Variants in AFAP1L2 observed in about 807,000 individuals in gnomAD.
AFAP1L2 encodes actin filament-associated protein 1-like 2.
AFAP1L2 carries 46 observed loss-of-function variants against 99.3 expected under a neutral mutation model. The ratio of observed to expected loss-of-function variants is 0.46; its 90% CI spans 0.37 to 0.59. The LOEUF (loss-of-function observed/expected upper bound fraction) is 0.59. Ranked by LOEUF, AFAP1L2 falls within the 20% of genes least tolerant of loss-of-function variation. AFAP1L2 has a pLI of 0.00. For synonymous variants in AFAP1L2, 397 were observed against 419.1 expected (o/e 0.95, Z 0.64); for missense variants, 959 against 1,034.9 (o/e 0.93, Z 1.01).
At chr10:114,289,973 CAA>C (rs1420171645), downstream of AFAP1L2, 3 of 255,468 alleles carry the variant, frequency 1.2e-5, no homozygotes, top group Non-Finnish European at 2.2e-5. Flanking sequence ...GCCTGGGCAA[CAA>C]GAGCAAGATT....
At chr10:114,337,063 G>C (rs1275329271) in intron 2 of AFAP1L2, among the ~76,000 whole-genome samples, 1 of 152,252 alleles carries the variant, frequency 6.6e-6, no homozygotes, top group African/African-American at 2.4e-5. Flanking sequence ...GTTTTGGGTA[G>C]AGGTGGGCCT....
chr10:114,337,832 G>A (rs2048211708), intron 2 of AFAP1L2, among the ~76,000 whole-genome samples: 1 of 152,238 alleles, frequency 6.6e-6, no homozygotes, highest in Non-Finnish European at 1.5e-5. Context: ...CGGAAGTGGT[G>A]TGGGGAGTGT....
rs201258751 is a variant in AFAP1L2 at position 114,318,731 on chromosome 10, ACT to A, written c.407-2968_407-2967del. Among the ~76,000 whole-genome samples, 275 of 149,886 alleles carry A rather than the reference ACT, an allele frequency of 1.8e-3. 1 individual carries two copies. The highest frequency in any genetic ancestry group is 6.5e-3 in the African/African-American group (264 of 40,848). The stretch of plus-strand genomic sequence containing the variant: ...CACTCCAGCCTGGCGGCAGGGTGAG[ACT>A]CTGTCTAAAAAAAAGAAAAAAAAAA... On this transcript the variant is annotated intron_variant, in intron 5 of 18. Transcript: ENST00000304129.
intron 1 of AFAP1L2, among the ~76,000 whole-genome samples, chr10:114,350,103 A>T (rs1040683445): frequency 1.3e-5 from 2 of 152,196 alleles, no homozygotes; most frequent in Admixed American, 6.5e-5. Context: ...CAAGAGCAGA[A>T]TTCCAACCCC....
intron 8 of AFAP1L2, 152 bp from the exon 9 acceptor site, chr10:114,308,669 G>A (rs1320326034): frequency 3.0e-6 from 2 of 661,678 alleles, no homozygotes; most frequent in South Asian, 1.9e-5. Flanking sequence ...CAGAATCCAG[G>A]TCACTGGTAG....
intron 1 of AFAP1L2, among the ~76,000 whole-genome samples, chr10:114,388,673 T>A (rs1393527020): frequency 6.6e-6 from 1 of 152,206 alleles, no homozygotes; most frequent in Non-Finnish European, 1.5e-5. Flanking sequence ...AAATGTCCAT[T>A]GTGTGAATAC....
chr10:114,303,351 A>G (rs577492442), intron 11 of AFAP1L2, among the ~76,000 whole-genome samples: 1 of 152,252 alleles, frequency 6.6e-6, no homozygotes, highest in Non-Finnish European at 1.5e-5. Context: ...TCTGTCGCCC[A>G]GGCTGGAGTG....
chr10:114,365,927 G>A (rs867464749), intron 1 of AFAP1L2, among the ~76,000 whole-genome samples: 1 of 151,722 alleles, frequency 6.6e-6, no homozygotes, highest in African/African-American at 2.4e-5. Context: ...AGAGATGGGG[G>A]GTCTTGCTAT....
chr10:114,336,070 G>T (rs968958780), intron 2 of AFAP1L2, among the ~76,000 whole-genome samples: 2 of 152,174 alleles, frequency 1.3e-5, no homozygotes, highest in African/African-American at 4.8e-5. Flanking sequence ...CTAAGATGAT[G>T]ATTTGTAAGT....
chr10:114,345,929 T>C (rs2049491443), intron 1 of AFAP1L2, among the ~76,000 whole-genome samples: 1 of 142,424 alleles, frequency 7.0e-6, no homozygotes, highest in Non-Finnish European at 1.5e-5. Context: ...GCCTGCCCGA[T>C]GTAGGCACTG....
intron 1 of AFAP1L2, among the ~76,000 whole-genome samples, chr10:114,344,209 T>C (rs1005948083): frequency 2.6e-5 from 4 of 152,158 alleles, no homozygotes; most frequent in Admixed American, 1.3e-4. Context: ...TTGTGTTGTG[T>C]TTTGTTACTA....
In AFAP1L2 at chr10:114,307,843, G is replaced by A; in HGVS notation, c.1034C>T (p.Thr345Ile). The A allele has an allele frequency of 1.2e-6, 2 of 1,614,136 alleles. No homozygotes were observed. Among genetic ancestry groups the A allele is most frequent in the Non-Finnish European group, 8.5e-7 (1 of 1,180,024 alleles). The change falls in exon 10 of 19, where the codon ACC (threonine) becomes ATC (isoleucine). Residue 345 changes from threonine to isoleucine, a missense_variant. By Grantham distance (89) the Thr-to-Ile change is moderately conservative. Transcript: ENST00000304129. ...GGACCTCTCCACAGGCTCCAGTGAGGTGGATTTCTTCCTGCCCAGATTCAT... is the reference window on the plus strand; with the variant it reads ...GGACCTCTCCACAGGCTCCAGTGAGATGGATTTCTTCCTGCCCAGATTCAT... ...NLMNLGRKKSTSLEPVERSLE... is the reference protein window; with the variant it reads ...NLMNLGRKKSISLEPVERSLE...
At chr10:114,389,764 G>C (rs1446718206) in intron 1 of AFAP1L2, among the ~76,000 whole-genome samples, 3 of 152,168 alleles carry the variant, frequency 2.0e-5, no homozygotes, top group African/African-American at 7.2e-5. Context: ...TCAAACGTAG[G>C]GATAGTCTGT....
chr10:114,329,615 G>T (rs1377595840), intron 4 of AFAP1L2, among the ~76,000 whole-genome samples: 2 of 152,204 alleles, frequency 1.3e-5, no homozygotes, highest in Non-Finnish European at 2.9e-5. Flanking sequence ...AGCAAGCAAT[G>T]CCTGGGCCAT....
intron 12 of AFAP1L2, chr10:114,301,825 G>C: frequency 3.2e-6 from 1 of 310,388 alleles, no homozygotes; most frequent in South Asian, 4.2e-5. Context: ...ACTTGGGGTG[G>C]CGCAGGCCAG....
At chr10:114,342,947 T>C (rs1009056811) in intron 1 of AFAP1L2, among the ~76,000 whole-genome samples, 20 of 152,160 alleles carry the variant, frequency 1.3e-4, no homozygotes, top group Admixed American at 6.5e-5. Flanking sequence ...CCCAGCACAA[T>C]ATCCAATAAA....
intron 16 of AFAP1L2, among the ~76,000 whole-genome samples, chr10:114,299,044 G>A (rs1442754318): frequency 1.3e-5 from 2 of 152,214 alleles, no homozygotes; most frequent in Non-Finnish European, 1.5e-5. Context: ...TCCTATTGAT[G>A]TTCCGTCAGA....
At chr10:114,398,846 C>T in intron 1 of AFAP1L2, 1 of 1,304,316 alleles carries the variant, frequency 7.7e-7, no homozygotes, top group Non-Finnish European at 1.0e-6. Context: ...CAGGCTCATA[C>T]TCACACGCAG....
rs760867091 is a variant in AFAP1L2 at position 114,310,362 on chromosome 10, A to G, written c.874T>C (p.Cys292Arg). The G allele has an allele frequency of 6.2e-6, 10 of 1,612,934 alleles. No individual in the cohort carries two copies. The highest frequency in any genetic ancestry group is 1.3e-5 in the African/African-American group (1 of 74,948). Reference protein sequence around the residue: ...QYTPDAQRFNCQKPDIAEKYL... With the variant: ...QYTPDAQRFNRQKPDIAEKYL... Reference sequence around the variant, plus strand: ...GCAGGGCAGAGGCTTACTTTCTGGCAGTTAAAGCGCTGGGCATCCGGGGTG... The same window carrying G: ...GCAGGGCAGAGGCTTACTTTCTGGCGGTTAAAGCGCTGGGCATCCGGGGTG... Residue 292 changes from cysteine (C) to arginine (R), a missense_variant, in exon 8 of 19, where the codon TGC becomes CGC. By Grantham distance (180) the Cys-to-Arg change is radical (BLOSUM62 -3). Coordinates refer to ENST00000304129, the MANE Select transcript of AFAP1L2 (RefSeq NM_001001936.3).
Sources: gnomAD v4.1 joint callset for allele counts (sites outside exome capture counted in the v4.1 genomes callset) on GRCh38, gnomAD v4.1.1 for gene constraint, MANE v1.5 for transcripts, NCBI Gene and HGNC (gene_info 2026-07-23, HGNC 2026-07-21) for gene names.